The following PPM1L variants were observed in gnomAD, a reference collection of about 807,000 sequenced individuals.
The protein encoded by PPM1L is protein phosphatase, Mg2+/Mn2+ dependent 1L, also known as protein phosphatase 1L.
A neutral mutation model predicts 31.4 loss-of-function variants in PPM1L; 13 were observed. The ratio of observed to expected loss-of-function variants is 0.41; its 90% CI spans 0.27 to 0.66. PPM1L has a LOEUF of 0.66. Ranked by LOEUF, PPM1L falls within the 30% of genes least tolerant of loss-of-function variation. The pLI, the probability that PPM1L is intolerant of heterozygous loss-of-function variation, is 0.29. For synonymous variants in PPM1L, 184 were observed against 175.4 expected, an observed-to-expected ratio of 1.05 and a Z score of -0.39; for missense variants, 326 against 453.7, an observed-to-expected ratio of 0.72 and a Z score of 2.56.
At chr3:160,855,812 A>T (rs762131184) in intron 1 of PPM1L, among the ~76,000 whole-genome samples, 3 of 152,170 alleles carry the variant, frequency 2.0e-5, no homozygotes, top group Non-Finnish European at 2.9e-5. Flanking sequence ...TGATTTCTCA[A>T]AGAATTTAAA....
intron 2 of PPM1L, among the ~76,000 whole-genome samples, 185 bp from the exon 3 acceptor site, chr3:161,065,218 A>G (rs80072782): frequency 5.3e-4 from 81 of 152,340 alleles, no homozygotes; most frequent in African/African-American, 1.9e-3. Context: ...CATGGTTAAG[A>G]AAATTGACTG....
chr3:160,989,566 C>T (rs369804497), intron 2 of PPM1L, among the ~76,000 whole-genome samples: 4 of 151,984 alleles, frequency 2.6e-5, no homozygotes, highest in Admixed American at 6.6e-5. Context: ...CCACCATGCC[C>T]GGCCAGGCTG....
intron 1 of PPM1L, among the ~76,000 whole-genome samples, chr3:160,784,792 C>G (rs1711855508): frequency 6.6e-6 from 1 of 152,112 alleles, no homozygotes; most frequent in South Asian, 2.1e-4. Flanking sequence ...AATCAGTGGT[C>G]AGTTGGTTAG....
chr3:160,972,182 A>C (rs1716362666), intron 2 of PPM1L, among the ~76,000 whole-genome samples: 1 of 152,018 alleles, frequency 6.6e-6, no homozygotes, highest in Admixed American at 6.6e-5. Context: ...ATGTAGAAAA[A>C]ATGATAATTC....
rs1417101006 is a variant in PPM1L, at chr3:161,071,501, C to A, written c.*2344C>A. 3 of 152,184 alleles carry A rather than the reference C, an allele frequency of 2.0e-5. No individual in the cohort carries two copies. Among genetic ancestry groups the A allele is most frequent in the Non-Finnish European group, 4.4e-5 (3 of 68,028 alleles). The allele number at this position is 152,184 out of a possible 1,614,324, so 9.4% of individuals were successfully genotyped here. A position where few individuals can be genotyped will look rare whatever the true frequency, so the allele number is the denominator to read the frequency against. On this transcript the variant is annotated 3_prime_UTR_variant, in exon 4 of 4. Transcript: ENST00000498165. ...TAACTTTCTCTCTAATTGAGGTTCA[C>A]AAGGCGTCTTCTAAATTTTGCTTTG... is the stretch of plus-strand genomic sequence containing the variant.
chr3:160,887,952 G>A (rs1275052105), intron 1 of PPM1L, among the ~76,000 whole-genome samples: 8 of 152,088 alleles, frequency 5.3e-5, no homozygotes, highest in Admixed American at 4.6e-4. Context: ...AAGTGAAGGG[G>A]AAATAAAATT....
chr3:160,808,393 G>C (rs1027563267), intron 1 of PPM1L, among the ~76,000 whole-genome samples: 3 of 147,542 alleles, frequency 2.0e-5, no homozygotes, highest in African/African-American at 5.2e-5. Flanking sequence ...CTGTGTGTGT[G>C]TGTGTGTGTG....
intron 1 of PPM1L, among the ~76,000 whole-genome samples, chr3:160,955,755 A>C (rs1181674142): frequency 6.7e-6 from 1 of 149,214 alleles, no homozygotes; most frequent in East Asian, 2.0e-4. Context: ...GGTTCACGCC[A>C]TTCTCCTGCC....
chr3:161,023,245 G>A (rs1190013191), intron 2 of PPM1L, among the ~76,000 whole-genome samples: 1 of 151,458 alleles, frequency 6.6e-6, no homozygotes, highest in East Asian at 1.9e-4. Flanking sequence ...AATTTGTTGA[G>A]GTTCTAGGAT....
At chr3:161,056,071 T>A (rs1250316123) in intron 2 of PPM1L, among the ~76,000 whole-genome samples, 1 of 152,136 alleles carries the variant, frequency 6.6e-6, no homozygotes, top group Non-Finnish European at 1.5e-5. Context: ...CTCCAATTTT[T>A]AAATCATACC....
In PPM1L at chr3:160,903,193, G is replaced by GTGT. The variant is rs1553819620; in HGVS notation, c.400-58543_400-58542insTGT. 3.0e-3 allele frequency among the ~76,000 whole-genome samples: 370 copies of GTGT among 124,086 alleles called. 1 individual carries two copies. Among genetic ancestry groups the GTGT allele is most frequent in the African/African-American group, 8.5e-3 (301 of 35,268 alleles). The allele number at this position is 124,086 out of a possible 152,430, so 81.4% of individuals were successfully genotyped here. On this transcript the variant is annotated intron_variant, in intron 1 of 3. Coordinates refer to ENST00000498165, the MANE Select transcript of PPM1L (RefSeq NM_139245.4). Reference sequence around the variant, plus strand: ...TGTGTGTGTGTGTGTGTGTGTGTGTGGTATGTGTGTATGTTTGTGTGTGTG... The same window carrying GTGT: ...TGTGTGTGTGTGTGTGTGTGTGTGTGTGTGTATGTGTGTATGTTTGTGTGTGTG...
intron 1 of PPM1L, among the ~76,000 whole-genome samples, chr3:160,961,255 T>G (rs1715955867): frequency 6.6e-6 from 1 of 152,158 alleles, no homozygotes; most frequent in Admixed American, 6.6e-5. Flanking sequence ...AGCAGAGGAC[T>G]CTCCTTTATA....
rs1372985188 is a variant in PPM1L, at chr3:161,077,438, G to A, written c.*8281G>A. On this transcript the variant is annotated 3_prime_UTR_variant, in exon 4 of 4. Coordinates refer to ENST00000498165, the MANE Select transcript of PPM1L (RefSeq NM_139245.4). ...CAGCTGTGCAAGGGTGCAGCAGTAG[G>A]CTGGTGAAAGCCAGGTTGTCCAGAT... The A allele has an allele frequency of 6.6e-6, 1 of 152,328 alleles. No homozygotes were observed. Among genetic ancestry groups the A allele is most frequent in the Non-Finnish European group, 1.5e-5 (1 of 68,134 alleles). 9.4% of individuals were successfully genotyped at this position (152,328 alleles called of 1,614,324 possible).
intron 1 of PPM1L, among the ~76,000 whole-genome samples, chr3:160,924,213 C>T (rs760463767): frequency 6.6e-6 from 1 of 151,668 alleles, no homozygotes; most frequent in Non-Finnish European, 1.5e-5. Flanking sequence ...CAGTCAGTTG[C>T]TCCCACAGAG....
chr3:160,889,168 T>C (rs939307250), intron 1 of PPM1L, among the ~76,000 whole-genome samples: 3 of 151,964 alleles, frequency 2.0e-5, no homozygotes, highest in Non-Finnish European at 2.9e-5. Context: ...AGAGTTGAAG[T>C]AGATAGAGAC....
At chr3:160,945,885 A>G (rs1715391180) in intron 1 of PPM1L, among the ~76,000 whole-genome samples, 1 of 152,104 alleles carries the variant, frequency 6.6e-6, no homozygotes. Flanking sequence ...TCTTAATAAC[A>G]TTTTCTTCTC....
intron 1 of PPM1L, among the ~76,000 whole-genome samples, chr3:160,829,254 C>G (rs114288031): frequency 0.021 from 3,231 of 151,910 alleles, 65 homozygotes; most frequent in Non-Finnish European, 0.032. Flanking sequence ...AAAAACCTAG[C>G]CTTTTATGTC....
At chr3:160,972,490 G>A (rs1420571012) in intron 2 of PPM1L, among the ~76,000 whole-genome samples, 3 of 151,908 alleles carry the variant, frequency 2.0e-5, no homozygotes, top group East Asian at 1.9e-4. Flanking sequence ...GAGAATAATG[G>A]TTTCCAGCTT....
In PPM1L at chr3:160,994,293, T is replaced by A. The variant is rs537625216; in HGVS notation, c.574+32383T>A. 3.3e-5 allele frequency among the ~76,000 whole-genome samples: 5 copies of A among 152,076 alleles called. No individual in the cohort carries two copies. The South Asian group carries it at 1.0e-3, about 32-fold the overall frequency. Reference sequence around the variant, plus strand: ...GGGGCTTACATGCAGAGGAGGGAGTTCAGTGGCAGCAGCCTTGGCAGGATA... The same window carrying A: ...GGGGCTTACATGCAGAGGAGGGAGTACAGTGGCAGCAGCCTTGGCAGGATA... On this transcript the variant is annotated intron_variant, in intron 2 of 3. Transcript: ENST00000498165.
Sources: gnomAD v4.1 joint callset for allele counts (sites outside exome capture counted in the v4.1 genomes callset) on GRCh38, gnomAD v4.1.1 for gene constraint, MANE v1.5 for transcripts, NCBI Gene and HGNC (gene_info 2026-07-23, HGNC 2026-07-21) for gene names.